WIPF2: variants seen among roughly 807,000 people sequenced by gnomAD.
WIPF2 encodes WAS/WASL-interacting protein family member 2.
Under a neutral mutation model 38.8 loss-of-function variants are expected in WIPF2, and 23 were observed. The observed-to-expected ratio is 0.59, with a 90% CI of 0.43 to 0.84. The LOEUF is 0.84. WIPF2 is among the 40% of genes least tolerant of loss of function. The pLI, the probability that WIPF2 is intolerant of heterozygous loss-of-function variation, is 0.00. For synonymous variants in WIPF2, 210 were observed against 223.2 expected (o/e 0.94, Z 0.53); for missense variants, 574 against 580.5 (o/e 0.99, Z 0.11).
intron 2 of WIPF2, among the ~76,000 whole-genome samples, chr17:40,259,332 C>T (rs777612745): frequency 1.3e-5 from 2 of 150,900 alleles, no homozygotes; most frequent in Non-Finnish European, 3.0e-5. Flanking sequence ...CTACTGGGGG[C>T]GCTGAGGCAG....
chr17:40,226,193 A>T (rs1005330799), intron 1 of WIPF2, among the ~76,000 whole-genome samples: 2 of 144,752 alleles, frequency 1.4e-5, no homozygotes, highest in African/African-American at 2.6e-5. Flanking sequence ...AGTTGGTAAA[A>T]AAAAAAAAAA....
intron 1 of WIPF2, among the ~76,000 whole-genome samples, chr17:40,237,596 G>C (rs1352608973): frequency 6.6e-6 from 1 of 150,798 alleles, no homozygotes; most frequent in Non-Finnish European, 1.5e-5. Context: ...CTGTTCTTCC[G>C]ACTCTCTGTT....
intron 1 of WIPF2, among the ~76,000 whole-genome samples, chr17:40,239,091 A>T (rs200663309): frequency 9.3e-6 from 1 of 107,074 alleles, no homozygotes; most frequent in Non-Finnish European, 1.9e-5. Flanking sequence ...TATTTATTTG[A>T]GACGGAGTCT....
intron 1 of WIPF2, among the ~76,000 whole-genome samples, chr17:40,220,168 G>A (rs1489566831): frequency 6.6e-6 from 1 of 151,708 alleles, no homozygotes; most frequent in East Asian, 1.9e-4. Flanking sequence ...TTAAAGGTGG[G>A]GTCTGGCTAT....
intron 1 of WIPF2, among the ~76,000 whole-genome samples, chr17:40,250,414 ATTT>A (rs555271448): frequency 9.3e-6 from 1 of 107,058 alleles, no homozygotes; most frequent in Non-Finnish European, 2.0e-5. Context: ...GTATTTTTGT[ATTT>A]TTTTTTTTTT....
At chr17:40,277,268 G>T in intron 7 of WIPF2, 84 bp downstream of exon 7, 1 of 1,213,542 alleles carries the variant, frequency 8.2e-7, no homozygotes, top group African/African-American at 1.5e-5. Flanking sequence ...TTTGCTTCTC[G>T]CTGGGCACAG....
intron 1 of WIPF2, among the ~76,000 whole-genome samples, chr17:40,235,440 G>A (rs1166108175): frequency 6.6e-6 from 1 of 151,568 alleles, no homozygotes; most frequent in Non-Finnish European, 1.5e-5. Flanking sequence ...TTTGTTTTCT[G>A]CTTGTTTTAC....
chr17:40,273,438 G>A (rs2032300871), intron 5 of WIPF2, among the ~76,000 whole-genome samples: 1 of 152,292 alleles, frequency 6.6e-6, no homozygotes, highest in African/African-American at 2.4e-5. Flanking sequence ...TGAATTTGGA[G>A]GGGTAAGAGA....
intron 1 of WIPF2, among the ~76,000 whole-genome samples, chr17:40,249,887 C>T (rs1256255147): frequency 3.4e-5 from 5 of 146,774 alleles, no homozygotes; most frequent in Non-Finnish European, 6.0e-5. Flanking sequence ...GGCTGGAGTG[C>T]GGTGACGTGA....
In WIPF2 at chr17:40,259,436, T is replaced by TA. The variant is rs879789712; in HGVS notation, c.64-1085dup. On this transcript the variant is annotated intron_variant, in intron 2 of 7. Coordinates refer to ENST00000323571, the MANE Select transcript of WIPF2 (RefSeq NM_133264.5). ...GATGGTAGAATCTAAGACTCTGTCT[T>TA]AAAAAAAAAAAAAAGCAAAAAGCAA... Among the ~76,000 whole-genome samples, 410 of 132,454 alleles carry TA rather than the reference T, an allele frequency of 3.1e-3. 1 individual carries two copies. The highest frequency in any genetic ancestry group is 0.011 in the Middle Eastern group (3 of 266). 86.9% of individuals were successfully genotyped at this position (132,454 alleles called of 152,430 possible). A position where few individuals can be genotyped will look rare whatever the true frequency, so the allele number is the denominator to read the frequency against.
In WIPF2 at chr17:40,281,835, A is replaced by G. The variant is rs2032551740; in HGVS notation, c.*3610A>G. ...GAAGCTCTGGGGGTGGAGTGTGGGC[A>G]TCTGAGGCCCTATGATGGCACTACA... On this transcript the variant is annotated 3_prime_UTR_variant, in exon 8 of 8. Coordinates refer to ENST00000323571, the MANE Select transcript of WIPF2 (RefSeq NM_133264.5). The G allele has an allele frequency of 6.6e-6, 1 of 152,554 alleles. No homozygotes were observed. The highest frequency in any genetic ancestry group is 1.5e-5 in the Non-Finnish European group (1 of 68,078). The allele number at this position is 152,554 out of a possible 1,614,324, so 9.5% of individuals were successfully genotyped here. A position where few individuals can be genotyped will look rare whatever the true frequency, so the allele number is the denominator to read the frequency against.
rs151273872 is a variant in WIPF2, at chr17:40,264,922, C to T, written c.746C>T (p.Ala249Val). The T allele has an allele frequency of 6.0e-4, 973 of 1,614,192 alleles. 4 individuals carry two copies. The African/African-American group carries it at 0.012, about 19-fold the overall frequency. The change falls in exon 5 of 8, where the codon GCT becomes GTT. Residue 249 changes from alanine to valine, a missense_variant. Transcript: ENST00000323571. ...IRTGPSGQSLAPPPPPYRQPP... is the reference protein window; with the variant it reads ...IRTGPSGQSLVPPPPPYRQPP... ...ACAGGACCAAGTGGCCAGTCTCTGGCTCCTCCTCCTCCGCCTTACCGCCAG... is the reference window on the plus strand; with the variant it reads ...ACAGGACCAAGTGGCCAGTCTCTGGTTCCTCCTCCTCCGCCTTACCGCCAG...
intron 1 of WIPF2, among the ~76,000 whole-genome samples, chr17:40,222,587 TTGTG>T (rs201136851): frequency 6.8e-6 from 1 of 146,324 alleles, no homozygotes; most frequent in South Asian, 2.2e-4. Context: ...GTGTGTGTGT[TTGTG>T]TGTGTGTGTG....
intron 1 of WIPF2, among the ~76,000 whole-genome samples, chr17:40,232,895 C>G (rs1310413586): frequency 6.6e-6 from 1 of 152,188 alleles, no homozygotes; most frequent in Non-Finnish European, 1.5e-5. Context: ...GCCTCGGCCT[C>G]CCAAAGTGCT....
rs1399828191 is a variant in WIPF2, at chr17:40,261,666, TTG to T, written c.197-857_197-856del. Among the ~76,000 whole-genome samples, 15 of 145,410 alleles carry T rather than the reference TTG, an allele frequency of 1.0e-4. No individual in the cohort carries two copies. The East Asian group carries it at 1.3e-3, about 13-fold the overall frequency. ...AAGGAAGATCGGCCACTTGTTGTTG[TTG>T]TTTTTTTTTTTTGGTTTTTTTTGTT... On this transcript the variant is annotated intron_variant, in intron 3 of 7. Coordinates refer to ENST00000323571, the MANE Select transcript of WIPF2 (RefSeq NM_133264.5).
At chr17:40,235,210 AAGTGTTGGTAGAATTT>A (rs2030918801) in intron 1 of WIPF2, among the ~76,000 whole-genome samples, 1 of 151,950 alleles carries the variant, frequency 6.6e-6, no homozygotes, top group Admixed American at 6.6e-5. Flanking sequence ...TGCAAATCTT[AAGTGTTGGTAGAATTT>A]AAACCACAAT....
Position 40,278,212 on chromosome 17 carries a change from C to T in WIPF2, c.1310C>T (p.Pro437Leu). The change falls in exon 8 of 8, where the codon CCC becomes CTC. Residue 437 changes from proline (P) to leucine (L), a missense_variant. Physicochemically the swap from Pro to Leu is moderately conservative, Grantham distance 98 (BLOSUM62 -3). Transcript: ENST00000323571. ...GCCCGTGGAGCCCCACCTCTGCCAC[C>T]CATTCTCAGGTGAAGCCTGGCTTGG... ...RAARGAPPLP[P>L]ILR 6.2e-7 allele frequency: 1 copy of T among 1,613,824 alleles called. No individual in the cohort carries two copies. Among genetic ancestry groups the T allele is most frequent in the East Asian group, 2.2e-5 (1 of 44,876 alleles).
At chr17:40,258,164 G>A (rs2031788986) in intron 2 of WIPF2, among the ~76,000 whole-genome samples, 1 of 152,196 alleles carries the variant, frequency 6.6e-6, no homozygotes, top group South Asian at 2.1e-4. Context: ...TTGGGAGGCC[G>A]AGGCGGGCGG....
chr17:40,265,772 A>G (rs2032069159), intron 5 of WIPF2, among the ~76,000 whole-genome samples: 1 of 152,126 alleles, frequency 6.6e-6, no homozygotes, highest in Non-Finnish European at 1.5e-5. Context: ...AAGCCACTGG[A>G]GGGTTTTAAA....
Sources: allele counts gnomAD v4.1 joint callset (sites outside exome capture counted in the v4.1 genomes callset), GRCh38; gene constraint gnomAD v4.1.1; transcripts MANE v1.5; gene names NCBI Gene and HGNC (gene_info 2026-07-23, HGNC 2026-07-21).